The following FGF14 variants were observed in gnomAD, a reference collection of about 807,000 sequenced individuals.
FGF14 encodes the protein fibroblast growth factor 14.
A neutral mutation model predicts 25.5 loss-of-function variants in FGF14; 5 were observed. The observed-to-expected ratio is 0.20, with a 90% CI of 0.10 to 0.41. The LOEUF (loss-of-function observed/expected upper bound fraction) is 0.41, where lower values mean the gene tolerates loss of function less well. FGF14 is among the 10% of genes least tolerant of loss of function. The probability of loss-of-function intolerance (pLI) is 1.00; values close to 1 mark genes in which losing one functional copy is unlikely to be tolerated. For missense variants in FGF14, 222 were observed against 320.1 expected (o/e 0.69, Z 2.34); for synonymous variants, 138 against 118.3 (o/e 1.17, Z -1.08).
rs73557443 is a variant in FGF14 at position 101,819,100 on chromosome 13, C to G, written c.408+49625G>C. ...CTTTGTACCCAGTCAATCATTGTAA[C>G]AAGCTTACAAGGTAGGGATTGTTTA... On this transcript the variant is annotated intron_variant, in intron 3 of 4. Transcript: ENST00000376143. Among the ~76,000 whole-genome samples, 798 of 152,200 alleles carry G rather than the reference C, an allele frequency of 5.2e-3. 7 individuals are homozygous for G. Among genetic ancestry groups the G allele is most frequent in the African/African-American group, 0.018 (761 of 41,540 alleles).
At chr13:102,238,874 T>A (rs894024052) in intron 1 of FGF14, among the ~76,000 whole-genome samples, 14 of 152,198 alleles carry the variant, frequency 9.2e-5, no homozygotes, top group African/African-American at 3.4e-4. Flanking sequence ...CATGTGTCTG[T>A]CCTTAGAAAG....
chr13:101,933,552 T>C (rs1213174665), intron 1 of FGF14, among the ~76,000 whole-genome samples: 1 of 152,082 alleles, frequency 6.6e-6, no homozygotes, highest in Non-Finnish European at 1.5e-5. Flanking sequence ...AGTGAAACCC[T>C]GTCTCTACTA....
chr13:102,171,189 C>T (rs1308031170), intron 1 of FGF14, among the ~76,000 whole-genome samples: 1 of 152,142 alleles, frequency 6.6e-6, no homozygotes, highest in Admixed American at 6.5e-5. Context: ...ATTGATCGAT[C>T]CCGCATTTTT....
At chr13:101,871,594 G>C (rs993669134) in intron 2 of FGF14, among the ~76,000 whole-genome samples, 1 of 151,912 alleles carries the variant, frequency 6.6e-6, no homozygotes, top group African/African-American at 2.4e-5. Flanking sequence ...GATATCTGTA[G>C]AGTCCTATTC....
At chr13:102,157,758 T>C (rs1393841743) in intron 1 of FGF14, among the ~76,000 whole-genome samples, 1 of 152,186 alleles carries the variant, frequency 6.6e-6, no homozygotes, top group Admixed American at 6.5e-5. Context: ...GAGAAAGTTT[T>C]TGCAATCTAC....
intron 1 of FGF14, among the ~76,000 whole-genome samples, chr13:102,031,800 A>G (rs2041225602): frequency 6.6e-6 from 1 of 152,066 alleles, no homozygotes; most frequent in Non-Finnish European, 1.5e-5. Flanking sequence ...ATAACCCATG[A>G]CAGGAATCTA....
intron 1 of FGF14, among the ~76,000 whole-genome samples, chr13:102,110,133 T>C (rs1469039259): frequency 6.6e-6 from 1 of 152,214 alleles, no homozygotes; most frequent in African/African-American, 2.4e-5. Context: ...ATAAAGATAT[T>C]TCCTATTAAT....
At chr13:102,126,124 A>G (rs975392261) in intron 1 of FGF14, among the ~76,000 whole-genome samples, 7 of 152,108 alleles carry the variant, frequency 4.6e-5, no homozygotes, top group African/African-American at 1.4e-4. Flanking sequence ...GGCATTAATT[A>G]TATTCAGAAC....
intron 1 of FGF14, among the ~76,000 whole-genome samples, chr13:102,125,101 G>A (rs1484022905): frequency 6.6e-6 from 1 of 151,940 alleles, no homozygotes; most frequent in Non-Finnish European, 1.5e-5. Flanking sequence ...TTTAAACTGT[G>A]GATTGCTTCA....
intron 1 of FGF14, among the ~76,000 whole-genome samples, chr13:102,018,453 A>T (rs2040459965): frequency 6.6e-6 from 1 of 152,090 alleles, no homozygotes; most frequent in Non-Finnish European, 1.5e-5. Context: ...TACTGAGTCA[A>T]TGAAAATAGT....
chr13:102,113,502 T>C (rs191965852), intron 1 of FGF14, among the ~76,000 whole-genome samples: 183 of 152,344 alleles, frequency 1.2e-3, no homozygotes, highest in Middle Eastern at 3.4e-3. Flanking sequence ...GAAAGTATCT[T>C]AATTATAACA....
chr13:101,884,062 C>CAA lies in FGF14; in HGVS notation c.194-8768_194-8767dup, dbSNP rs11315735. On this transcript the variant is annotated intron_variant, in intron 1 of 4. Coordinates refer to ENST00000376143, the MANE Select transcript of FGF14 (RefSeq NM_004115.4). The stretch of plus-strand genomic sequence containing the variant: ...TGGGCAACAGAGTAAGACTCCATCT[C>CAA]AAAAAAAAAAAAAAAAAAAAAAAAA... Among the ~76,000 whole-genome samples, 184 of 37,732 alleles carry CAA rather than the reference C, an allele frequency of 4.9e-3. 2 individuals carry two copies. The highest frequency in any genetic ancestry group is 7.4e-3 in the East Asian group (8 of 1,078). 24.8% of individuals were successfully genotyped at this position (37,732 alleles called of 152,430 possible).
chr13:101,851,350 TC>T (rs2043837848), intron 3 of FGF14, among the ~76,000 whole-genome samples: 1 of 151,878 alleles, frequency 6.6e-6, no homozygotes, highest in Non-Finnish European at 1.5e-5. Context: ...GTCAGATTTC[TC>T]CCCCTGAGCC....
intron 3 of FGF14, among the ~76,000 whole-genome samples, chr13:101,834,113 G>A (rs1246737794): frequency 1.3e-5 from 2 of 152,054 alleles, no homozygotes; most frequent in East Asian, 1.9e-4. Flanking sequence ...GTGAAACACT[G>A]TAGAACTTGA....
intron 1 of FGF14, among the ~76,000 whole-genome samples, chr13:102,338,332 C>A (rs1395086558): frequency 6.6e-6 from 1 of 152,128 alleles, no homozygotes; most frequent in Non-Finnish European, 1.5e-5. Flanking sequence ...CCCCCTTCTG[C>A]CCAGCTTAGG....
At position 101,915,208 on chromosome 13, in the gene FGF14, G is replaced by A. The variant is rs1012355051; in HGVS notation, c.193+1245C>T. Among the ~76,000 whole-genome samples, 36 of 152,034 alleles carry A rather than the reference G, an allele frequency of 2.4e-4. 1 individual carries two copies. The highest frequency in any genetic ancestry group is 8.2e-4 in the African/African-American group (34 of 41,378). On this transcript the variant is annotated intron_variant, in intron 1 of 4. Coordinates refer to ENST00000376143, the MANE Select transcript of FGF14 (RefSeq NM_004115.4). ...TTCTTAAATGTGACAACAAGAAATT[G>A]TCCTTTTAAAATATTCAGCATTAGC...
intron 1 of FGF14, among the ~76,000 whole-genome samples, chr13:102,389,025 G>A (rs944603011): frequency 6.6e-6 from 1 of 151,960 alleles, no homozygotes; most frequent in African/African-American, 2.4e-5. Context: ...TACTCCTCTT[G>A]CCAAGAATAT....
intron 1 of FGF14, among the ~76,000 whole-genome samples, chr13:102,003,667 T>TTTTTTTTTTTTTTTTTTTGGGGTTTGC (rs2039626749): frequency 7.0e-6 from 1 of 143,366 alleles, no homozygotes; most frequent in Admixed American, 6.9e-5. Context: ...GGGGTTAGCT[T>TTTTTTTTTTTTTTTTTTTGGGGTTTGC]TTTTTTTTTT....
At chr13:102,368,229 T>C (rs1005789835) in intron 1 of FGF14, among the ~76,000 whole-genome samples, 2 of 152,248 alleles carry the variant, frequency 1.3e-5, no homozygotes, top group African/African-American at 4.8e-5. Flanking sequence ...ATAATACTTA[T>C]TTTGATAATT....
Sources: gnomAD v4.1 joint callset for allele counts (sites outside exome capture counted in the v4.1 genomes callset) on GRCh38, gnomAD v4.1.1 for gene constraint, MANE v1.5 for transcripts, NCBI Gene and HGNC (gene_info 2026-07-23, HGNC 2026-07-21) for gene names.